The following FAM81A variants were observed in gnomAD, a reference collection of about 807,000 sequenced individuals.
The protein encoded by FAM81A is family with sequence similarity 81 member A, also known as protein FAM81A.
FAM81A carries 19 observed loss-of-function variants against 46.7 expected under a neutral mutation model. That is an observed-to-expected ratio of 0.41 (90% CI 0.28 to 0.60). The LOEUF is 0.60. FAM81A is among the 20% of genes least tolerant of loss of function. The pLI is 0.34. For synonymous variants in FAM81A, 183 were observed against 152.9 expected (o/e 1.20, Z -1.45); for missense variants, 377 against 453.5 (o/e 0.83, Z 1.53).
At chr15:59,420,119 C>T (rs2081164418) in intron 2 of FAM81A, among the ~76,000 whole-genome samples, 1 of 152,174 alleles carries the variant, frequency 6.6e-6, no homozygotes, top group Non-Finnish European at 1.5e-5. Context: ...GAGAATGACT[C>T]TTTAGGGACT....
chr15:59,487,957 AC>A (rs1481214586), intron 3 of FAM81A, among the ~76,000 whole-genome samples: 21 of 151,974 alleles, frequency 1.4e-4, no homozygotes, highest in African/African-American at 4.8e-4. Context: ...AACAAAAACA[AC>A]AACAAAAAAA....
chr15:59,511,771 C>G (rs1239296009), intron 6 of FAM81A, among the ~76,000 whole-genome samples: 1 of 152,190 alleles, frequency 6.6e-6, no homozygotes, highest in Non-Finnish European at 1.5e-5. Flanking sequence ...CTGCCTCAGC[C>G]TCCCGAGTAG....
At chr15:59,403,376 C>T (rs2081080405) in intron 2 of FAM81A, among the ~76,000 whole-genome samples, 1 of 152,110 alleles carries the variant, frequency 6.6e-6, no homozygotes, top group African/African-American at 2.4e-5. Context: ...AGAGAGACAT[C>T]CGAGCTCCCC....
At chr15:59,450,971 A>C (rs1365654542) in intron 1 of FAM81A, among the ~76,000 whole-genome samples, 1 of 152,260 alleles carries the variant, frequency 6.6e-6, no homozygotes, top group East Asian at 1.9e-4. Context: ...TCCCACCCAC[A>C]CTCAAAGGGA....
intron 5 of FAM81A, among the ~76,000 whole-genome samples, chr15:59,508,519 G>A (rs1596541716): frequency 6.6e-6 from 1 of 152,100 alleles, no homozygotes; most frequent in East Asian, 1.9e-4. Flanking sequence ...TTTCTATGAC[G>A]AGCCGTTAAA....
At chr15:59,435,626 G>A (rs1213794691), upstream of FAM81A, among the ~76,000 whole-genome samples, 1 of 152,016 alleles carries the variant, frequency 6.6e-6, no homozygotes, top group Non-Finnish European at 1.5e-5. Context: ...TGTCTCAAAA[G>A]AAAGAAGAAA....
At chr15:59,488,551 T>G (rs2081946336) in intron 3 of FAM81A, among the ~76,000 whole-genome samples, 1 of 152,212 alleles carries the variant, frequency 6.6e-6, no homozygotes, top group East Asian at 1.9e-4. Context: ...CTATTAGTAC[T>G]GATAAACAAA....
intron 1 of FAM81A, among the ~76,000 whole-genome samples, chr15:59,442,874 C>T (rs1385844204): frequency 6.6e-6 from 1 of 152,068 alleles, no homozygotes; most frequent in Non-Finnish European, 1.5e-5. Context: ...TTCCCTGAAC[C>T]ATTTTAGAGT....
intron 3 of FAM81A, among the ~76,000 whole-genome samples, chr15:59,479,734 G>A (rs1218671496): frequency 6.6e-6 from 1 of 151,972 alleles, no homozygotes; most frequent in African/African-American, 2.4e-5. Context: ...ACCAGTGGAT[G>A]GAGTGCTGTG....
chr15:59,511,963 T>G (rs1328362777), intron 6 of FAM81A, among the ~76,000 whole-genome samples: 2 of 152,158 alleles, frequency 1.3e-5, no homozygotes, highest in Non-Finnish European at 2.9e-5. Context: ...ACAGCATTAT[T>G]TTTAATAGCA....
At chr15:59,431,858 A>C (rs1340359638) in intron 2 of FAM81A, among the ~76,000 whole-genome samples, 1 of 152,194 alleles carries the variant, frequency 6.6e-6, no homozygotes, top group Non-Finnish European at 1.5e-5. Flanking sequence ...ATGAAAACCT[A>C]CTACGTGACT....
At chr15:59,412,998 C>G (rs1314571863) in intron 2 of FAM81A, among the ~76,000 whole-genome samples, 1 of 152,174 alleles carries the variant, frequency 6.6e-6, no homozygotes, top group Non-Finnish European at 1.5e-5. Context: ...AACATGCTAC[C>G]TTAAGTGAAG....
chr15:59,446,402 G>T (rs1330427883), intron 1 of FAM81A: 1 of 152,212 alleles, frequency 6.6e-6, no homozygotes, highest in Non-Finnish European at 1.5e-5. Context: ...AATCTGTCTG[G>T]ATCTGACAGA....
chr15:59,467,514 G>T (rs577268456), intron 3 of FAM81A, among the ~76,000 whole-genome samples: 1 of 152,250 alleles, frequency 6.6e-6, no homozygotes, highest in South Asian at 2.1e-4. Flanking sequence ...CTGTTTGTCT[G>T]TTAATGGTGT....
intron 2 of FAM81A, among the ~76,000 whole-genome samples, chr15:59,427,637 A>G (rs1051259745): frequency 3.3e-5 from 5 of 152,128 alleles, no homozygotes; most frequent in Non-Finnish European, 7.3e-5. Context: ...AGCTCCCACA[A>G]ATGAGTGAGA....
chr15:59,426,130 T>G lies in FAM81A; in HGVS notation c.-78+23772T>G, dbSNP rs904553400. ...CTAAAGTGGAAGAATTGTGGTTTGC[T>G]AACCACACTTTTTGAATTGTCTCCA... On this transcript the variant is annotated intron_variant, in intron 2 of 4. Coordinates refer to the FAM81A transcript ENST00000558348. Among the ~76,000 whole-genome samples, 3 of 152,242 alleles carry G rather than the reference T, an allele frequency of 2.0e-5. No homozygotes were observed. The South Asian group carries it at 6.2e-4, about 32-fold the overall frequency.
intron 4 of FAM81A, 50 bp downstream of exon 4, chr15:59,492,439 A>G (rs373191162): frequency 2.2e-5 from 32 of 1,448,770 alleles, no homozygotes; most frequent in African/African-American, 2.8e-5. Flanking sequence ...CATTTTCTAT[A>G]AACTCCATTA....
At chr15:59,469,722 G>A (rs572335522) in intron 3 of FAM81A, among the ~76,000 whole-genome samples, 8 of 152,208 alleles carry the variant, frequency 5.3e-5, no homozygotes, top group African/African-American at 1.7e-4. Flanking sequence ...TACATTTAAG[G>A]TTAAGATTAT....
chr15:59,504,891 A>G (rs2082132852), intron 4 of FAM81A, among the ~76,000 whole-genome samples: 1 of 152,004 alleles, frequency 6.6e-6, no homozygotes, highest in South Asian at 2.1e-4. Flanking sequence ...TTAAGATTTT[A>G]TATTTATCAT....
Sources: gnomAD v4.1 joint callset for allele counts (sites outside exome capture counted in the v4.1 genomes callset) on GRCh38, gnomAD v4.1.1 for gene constraint, MANE v1.5 for transcripts, NCBI Gene and HGNC (gene_info 2026-07-23, HGNC 2026-07-21) for gene names.